USP15: variants seen among roughly 807,000 people sequenced by gnomAD.
USP15 encodes ubiquitin specific peptidase 15.
A neutral mutation model predicts 127.1 loss-of-function variants in USP15; 18 were observed. The ratio of observed to expected loss-of-function variants is 0.14; its 90% CI spans 0.10 to 0.21. The LOEUF (loss-of-function observed/expected upper bound fraction) is 0.21, where lower values mean the gene tolerates loss of function less well. Ranked by LOEUF, USP15 falls within the 10% of genes least tolerant of loss-of-function variation. The pLI is 1.00. For synonymous variants in USP15, 364 were observed against 393.7 expected (o/e 0.92, Z 0.89); for missense variants, 805 against 1,159.9 (o/e 0.69, Z 4.44).
Position 62,295,130 on chromosome 12 carries a change from C to T in USP15, c.217+824C>T, listed in dbSNP as rs575499903. On this transcript the variant is annotated intron_variant, in intron 2 of 21. Transcript: ENST00000280377. ...AGTGAGTAGCTCAGAGAGAGAGAGA[C>T]CTAGACCCCCCCCCATAGGGTTGCT... Among the ~76,000 whole-genome samples, 14 of 152,134 alleles carry T rather than the reference C, an allele frequency of 9.2e-5. No homozygotes were observed. In the East Asian group the frequency reaches 2.7e-3, roughly 29 times the overall value.
chr12:62,287,545 T>C (rs1027628273), intron 1 of USP15, among the ~76,000 whole-genome samples: 3 of 152,182 alleles, frequency 2.0e-5, no homozygotes, highest in Non-Finnish European at 4.4e-5. Flanking sequence ...TTATTTCCTT[T>C]GCTGTACAGA....
chr12:62,404,146 G>T (rs17717700), intron 21 of USP15, 47 bp from the exon 22 acceptor site: 144,718 of 1,494,056 alleles, frequency 0.097, 7,630 homozygotes, highest in Middle Eastern at 0.15. Flanking sequence ...TGTATTTAAC[G>T]TGATCTTTGA....
chr12:62,382,397 C>T (rs2067018524), intron 9 of USP15, among the ~76,000 whole-genome samples: 1 of 151,870 alleles, frequency 6.6e-6, no homozygotes, highest in South Asian at 2.1e-4. Context: ...ATTTAAATGG[C>T]ATTGATAGAG....
chr12:62,332,141 G>A (rs2065322083), intron 6 of USP15, among the ~76,000 whole-genome samples: 2 of 150,860 alleles, frequency 1.3e-5, no homozygotes, highest in African/African-American at 2.4e-5. Flanking sequence ...TCCACTTTGG[G>A]TAGCAGAGCA....
At chr12:62,311,712 T>C (rs1050031354) in intron 3 of USP15, among the ~76,000 whole-genome samples, 9 of 151,704 alleles carry the variant, frequency 5.9e-5, no homozygotes, top group Non-Finnish European at 1.0e-4. Context: ...AGTGAGTGTA[T>C]GTCACCATCT....
intron 2 of USP15, among the ~76,000 whole-genome samples, chr12:62,301,937 C>T (rs1446708339): frequency 6.6e-6 from 1 of 152,146 alleles, no homozygotes; most frequent in Non-Finnish European, 1.5e-5. Flanking sequence ...TAAAAATTCA[C>T]ATGGACAGAT....
intron 1 of USP15, among the ~76,000 whole-genome samples, chr12:62,263,048 A>C (rs1336127164): frequency 6.6e-6 from 1 of 152,234 alleles, no homozygotes; most frequent in Admixed American, 6.5e-5. Flanking sequence ...GAGAGCAAAA[A>C]TTTGATTCAG....
In USP15 at chr12:62,389,293, C is replaced by A. The variant is rs1220562613; in HGVS notation, c.1474-138C>A. 5 of 684,634 alleles carry A rather than the reference C, an allele frequency of 7.3e-6. No individual in the cohort carries two copies. In the African/African-American group the frequency reaches 9.0e-5, roughly 12 times the overall value. The allele number at this position is 684,634 out of a possible 1,614,324, so 42.4% of individuals were successfully genotyped here. ...CCATGTGGGCATTGTCACACAGGAC[C>A]CAGGATAGTGGCAAGATTGGAGACA... is the stretch of plus-strand genomic sequence containing the variant. On this transcript the variant is annotated intron_variant, in intron 11 of 21. Coordinates refer to ENST00000280377, the MANE Select transcript of USP15 (RefSeq NM_001252078.2).
At chr12:62,388,687 G>A (rs2167287) in intron 11 of USP15, among the ~76,000 whole-genome samples, 34,074 of 152,074 alleles carry the variant, frequency 0.22, 4,160 homozygotes, top group African/African-American at 0.34. Context: ...GGGCCTGGAT[G>A]GAAGGGCTAG....
chr12:62,371,580 A>G (rs1293516628), intron 8 of USP15, among the ~76,000 whole-genome samples: 1 of 152,168 alleles, frequency 6.6e-6, no homozygotes, highest in Non-Finnish European at 1.5e-5. Flanking sequence ...CTTGTTTTTT[A>G]TATGAGTGTT....
intron 5 of USP15, among the ~76,000 whole-genome samples, chr12:62,321,847 A>C (rs1279271091): frequency 6.6e-6 from 1 of 152,158 alleles, no homozygotes; most frequent in Non-Finnish European, 1.5e-5. Context: ...CCCAGCTAAT[A>C]TTATAAGGTG....
At chr12:62,291,165 A>G (rs760813787) in intron 1 of USP15, among the ~76,000 whole-genome samples, 2 of 152,108 alleles carry the variant, frequency 1.3e-5, no homozygotes, top group Non-Finnish European at 2.9e-5. Context: ...TGGTTTTCCA[A>G]ACTTTTTGCT....
intron 1 of USP15, chr12:62,277,381 A>T (rs1420227302): frequency 2.6e-5 from 4 of 152,184 alleles, no homozygotes; most frequent in Non-Finnish European, 5.9e-5. Flanking sequence ...AAGCATGCAA[A>T]CCTGTACAGC....
chr12:62,396,836 T>C (rs541221650), intron 20 of USP15, among the ~76,000 whole-genome samples: 1 of 152,346 alleles, frequency 6.6e-6, no homozygotes, highest in African/African-American at 2.4e-5. Context: ...GCTTATGATT[T>C]ACATCTGCCA....
intron 1 of USP15, among the ~76,000 whole-genome samples, chr12:62,265,358 A>G (rs1592444325): frequency 6.6e-6 from 1 of 152,238 alleles, no homozygotes; most frequent in Admixed American, 6.5e-5. Flanking sequence ...TTATAAATGC[A>G]TATTGACTTA....
intron 3 of USP15, chr12:62,305,846 C>T (rs2064469889): frequency 6.6e-6 from 1 of 152,168 alleles, no homozygotes; most frequent in African/African-American, 2.4e-5. Context: ...TAGCAGTACT[C>T]ATGGTACATC....
intron 4 of USP15, among the ~76,000 whole-genome samples, chr12:62,318,661 C>T (rs1314871294): frequency 3.9e-5 from 6 of 152,132 alleles, no homozygotes; most frequent in Non-Finnish European, 8.8e-5. Context: ...TGAAGTCTCC[C>T]ATAATTCCAG....
At chr12:62,330,929 A>G (rs2065277784) in intron 6 of USP15, among the ~76,000 whole-genome samples, 1 of 127,690 alleles carries the variant, frequency 7.8e-6, no homozygotes, top group South Asian at 2.8e-4. Context: ...CTGTCTCCAA[A>G]AAGGAAAAAA....
At chr12:62,309,413 T>C (rs2064590325) in intron 3 of USP15, among the ~76,000 whole-genome samples, 1 of 152,050 alleles carries the variant, frequency 6.6e-6, no homozygotes, top group Admixed American at 6.6e-5. Context: ...ATTAAAGAAA[T>C]TGAGTCATTG....
Sources: gnomAD v4.1 joint callset for allele counts (sites outside exome capture counted in the v4.1 genomes callset) on GRCh38, gnomAD v4.1.1 for gene constraint, MANE v1.5 for transcripts, NCBI Gene and HGNC (gene_info 2026-07-23, HGNC 2026-07-21) for gene names.